The following UNC13C variants were observed in gnomAD, a reference collection of about 807,000 sequenced individuals.
UNC13C encodes unc-13 homolog C.
A neutral mutation model predicts 245.4 loss-of-function variants in UNC13C; 174 were observed. That is an observed-to-expected ratio of 0.71 (90% CI 0.63 to 0.80). The LOEUF (loss-of-function observed/expected upper bound fraction) is 0.80. Ranked by LOEUF, UNC13C falls within the 30% of genes least tolerant of loss-of-function variation. UNC13C has a pLI of 0.00. For missense variants in UNC13C, 2,829 were observed against 2,602.9 expected (o/e 1.09, Z -1.89); for synonymous variants, 992 against 895.1 (o/e 1.11, Z -1.93).
At chr15:54,050,290 T>G (rs935151255) in intron 2 of UNC13C, 1 of 583,934 alleles carries the variant, frequency 1.7e-6, no homozygotes, top group Non-Finnish European at 3.3e-6. Context: ...GTTTAATGAT[T>G]AGCTGCTTGC....
intron 25 of UNC13C, among the ~76,000 whole-genome samples, chr15:54,529,424 A>C (rs1186398848): frequency 6.6e-6 from 1 of 152,212 alleles, no homozygotes; most frequent in Admixed American, 6.5e-5. Flanking sequence ...TGAAATACTT[A>C]ACAAGATGTC....
intron 14 of UNC13C, among the ~76,000 whole-genome samples, chr15:54,327,070 A>G (rs967012768): frequency 6.6e-6 from 1 of 152,052 alleles, no homozygotes; most frequent in African/African-American, 2.4e-5. Context: ...TGTTGAACGC[A>G]CTCATGGGTA....
At chr15:54,523,263 C>G (rs1039276409) in intron 24 of UNC13C, among the ~76,000 whole-genome samples, 1 of 152,120 alleles carries the variant, frequency 6.6e-6, no homozygotes, top group Non-Finnish European at 1.5e-5. Context: ...GTCCATTATG[C>G]TCATTATTGA....
chr15:54,216,528 C>G (rs1329049252), intron 4 of UNC13C, among the ~76,000 whole-genome samples: 1 of 151,742 alleles, frequency 6.6e-6, no homozygotes, highest in Admixed American at 6.6e-5. Context: ...CCAGTGTGTT[C>G]CAGGCACTCA....
At chr15:54,050,158 A>G in intron 2 of UNC13C, 3 of 429,824 alleles carry the variant, frequency 7.0e-6, no homozygotes, top group Non-Finnish European at 9.2e-6. Context: ...TTTAGTAGAG[A>G]CAGGGGTTTC....
At chr15:53,898,409 CAT>C in the UNC13C span, among the ~76,000 whole-genome samples, 2 of 82,978 alleles carry the variant, frequency 2.4e-5, no homozygotes, top group African/African-American at 1.1e-4. Flanking sequence ...TTTCCAGACA[CAT>C]ACACACACAC....
intron 19 of UNC13C, among the ~76,000 whole-genome samples, chr15:54,490,474 A>T (rs1037500306): frequency 6.6e-6 from 1 of 152,122 alleles, no homozygotes; most frequent in East Asian, 1.9e-4. Flanking sequence ...GAGGAGATCT[A>T]TAAGTTCTGA....
chr15:53,890,039 T>C, the UNC13C span, among the ~76,000 whole-genome samples: 608 of 152,248 alleles, frequency 4.0e-3, 7 homozygotes, highest in African/African-American at 0.014. Flanking sequence ...CTCTGCCAGG[T>C]TTTGGTATCA....
At chr15:53,967,369 G>T in the UNC13C span, among the ~76,000 whole-genome samples, 2 of 151,376 alleles carry the variant, frequency 1.3e-5, no homozygotes, top group Non-Finnish European at 2.9e-5. Context: ...GAATCGTCAT[G>T]AGTTGAAGTA....
the UNC13C span, among the ~76,000 whole-genome samples, chr15:53,952,747 T>C: frequency 6.6e-6 from 1 of 152,210 alleles, no homozygotes; most frequent in Non-Finnish European, 1.5e-5. Flanking sequence ...CCAGGCAAAC[T>C]GATGCTCTTA....
the UNC13C span, among the ~76,000 whole-genome samples, chr15:53,965,558 AT>A: frequency 5.2e-5 from 7 of 133,806 alleles, 1 homozygote; most frequent in African/African-American, 1.9e-4. Flanking sequence ...TTATTTATTT[AT>A]TTATTTATTT....
At chr15:54,005,885 T>C (rs1566943660) in intron 1 of UNC13C, among the ~76,000 whole-genome samples, 1 of 152,168 alleles carries the variant, frequency 6.6e-6, no homozygotes, top group Non-Finnish European at 1.5e-5. Flanking sequence ...AAGAAAATGA[T>C]ATTTAAGGGA....
intron 21 of UNC13C, 67 bp from the exon 22 acceptor site, chr15:54,500,768 C>T (rs891898241): frequency 1.1e-5 from 15 of 1,365,608 alleles, no homozygotes; most frequent in Non-Finnish European, 1.5e-5. Flanking sequence ...TGATGGGAAA[C>T]AGTGAAGATT....
chr15:54,067,956 G>T (rs1054438425), intron 2 of UNC13C, among the ~76,000 whole-genome samples: 3 of 152,128 alleles, frequency 2.0e-5, no homozygotes, highest in Non-Finnish European at 4.4e-5. Context: ...TTATATTTCA[G>T]ATAAACAACA....
rs568889795 is a variant in UNC13C, at chr15:54,507,032, A to G, written c.5302-85A>G. The G allele has an allele frequency of 1.8e-5, 15 of 822,110 alleles. No individual in the cohort carries two copies. The South Asian group carries it at 3.3e-4, about 18-fold the overall frequency. The allele number at this position is 822,110 out of a possible 1,614,324, so 50.9% of individuals were successfully genotyped here. ...TAGAACTAAGATGAAAAAGACAGCA[A>G]GAAGTTAACTTAGGATTAAACTTTA... is the stretch of plus-strand genomic sequence containing the variant. On this transcript the variant is annotated intron_variant, in intron 22 of 32. Coordinates refer to ENST00000260323, the MANE Select transcript of UNC13C (RefSeq NM_001080534.3).
At chr15:54,433,175 C>T (rs528862862) in intron 19 of UNC13C, among the ~76,000 whole-genome samples, 1 of 152,140 alleles carries the variant, frequency 6.6e-6, no homozygotes, top group African/African-American at 2.4e-5. Context: ...GAGATGGTAC[C>T]ATTCCTTCTA....
chr15:54,150,089 A>G (rs948626739), intron 4 of UNC13C, among the ~76,000 whole-genome samples: 1 of 151,944 alleles, frequency 6.6e-6, no homozygotes, highest in Non-Finnish European at 1.5e-5. Context: ...CTTGATTCCT[A>G]TTTCTCTCTC....
Position 54,531,622 on chromosome 15 carries a change from T to A in UNC13C, c.5547-1295T>A, listed in dbSNP as rs79456291. On this transcript the variant is annotated intron_variant, in intron 25 of 32. Coordinates refer to ENST00000260323, the MANE Select transcript of UNC13C (RefSeq NM_001080534.3). ...ACAGAATCCAAATGAAGAAGGTGTA[T>A]CCAGATGCCAAGAGTGTTTCTTTTT... 9.7e-3 allele frequency among the ~76,000 whole-genome samples: 1,460 copies of A among 150,810 alleles called. 12 individuals carry two copies. The highest frequency in any genetic ancestry group is 0.017 in the Non-Finnish European group (1,162 of 67,842).
At chr15:54,010,428 G>A (rs1462158730) in intron 1 of UNC13C, among the ~76,000 whole-genome samples, 1 of 152,078 alleles carries the variant, frequency 6.6e-6, no homozygotes. Flanking sequence ...CCTTGGCTGG[G>A]TCTCAAATAT....
Sources: gnomAD v4.1 joint callset for allele counts (sites outside exome capture counted in the v4.1 genomes callset) on GRCh38, gnomAD v4.1.1 for gene constraint, MANE v1.5 for transcripts, NCBI Gene and HGNC (gene_info 2026-07-23, HGNC 2026-07-21) for gene names.